Variants in ZNF536 observed in about 807,000 individuals in gnomAD.
ZNF536 encodes the protein zinc finger protein 536.
ZNF536 carries 13 observed loss-of-function variants against 84.5 expected under a neutral mutation model. The observed-to-expected ratio is 0.15, with a 90% confidence interval of 0.10 to 0.24. The LOEUF is 0.24. Ranked by LOEUF, ZNF536 falls within the 10% of genes least tolerant of loss-of-function variation. The pLI, the probability that ZNF536 is intolerant of heterozygous loss-of-function variation, is 1.00. For synonymous variants in ZNF536, 811 were observed against 742.5 expected, an observed-to-expected ratio of 1.09 and a Z score of -1.50; for missense variants, 1,536 against 1,747.5, an observed-to-expected ratio of 0.88 and a Z score of 2.16.
At chr19:30,305,576 G>A (rs1243331168) in intron 2 of ZNF536, among the ~76,000 whole-genome samples, 1 of 152,212 alleles carries the variant, frequency 6.6e-6, no homozygotes, top group Non-Finnish European at 1.5e-5. Context: ...TCACTGAGAA[G>A]CTGCAGGGGT....
intron 1 of ZNF536, among the ~76,000 whole-genome samples, chr19:30,654,103 C>A (rs1425627990): frequency 4.1e-4 from 62 of 152,190 alleles, no homozygotes; most frequent in Admixed American, 4.1e-3. Context: ...CCTCCCCTCC[C>A]TGTCGCCGAC....
intron 2 of ZNF536, among the ~76,000 whole-genome samples, chr19:30,468,465 T>TGCTG (rs1375750618): frequency 9.9e-5 from 15 of 151,784 alleles, no homozygotes; most frequent in East Asian, 1.9e-4. Context: ...ACAGGGCAGG[T>TGCTG]GCTGGCCAAG....
rs142910576 is a variant in ZNF536, at chr19:30,312,841, C to T, written c.-120+28700C>T. Among the ~76,000 whole-genome samples the T allele has an allele frequency of 8.2e-3, 1,248 of 152,346 alleles. 9 individuals are homozygous for T. Among genetic ancestry groups the T allele is most frequent in the African/African-American group, 0.023 (954 of 41,572 alleles). The stretch of plus-strand genomic sequence containing the variant: ...AGAGCCAGGAGCCTGGGTTTTCCCA[C>T]GAACGCCTCTGTGACCTCAGGCAGC... On this transcript the variant is annotated intron_variant, in intron 2 of 5. Coordinates refer to the ZNF536 transcript ENST00000585628.
chr19:30,297,907 C>A (rs1278601781), intron 2 of ZNF536, among the ~76,000 whole-genome samples: 1 of 149,608 alleles, frequency 6.7e-6, no homozygotes, highest in South Asian at 2.2e-4. Flanking sequence ...ACGGAGTCCC[C>A]CCCCCCTCTG....
At chr19:30,606,913 A>T (rs1785607545) in intron 1 of ZNF536, among the ~76,000 whole-genome samples, 1 of 152,090 alleles carries the variant, frequency 6.6e-6, no homozygotes, top group African/African-American at 2.4e-5. Context: ...CACTGGGGGC[A>T]GCTATTGGTG....
intron 1 of ZNF536, among the ~76,000 whole-genome samples, chr19:30,257,689 A>G (rs115511205): frequency 0.015 from 2,276 of 152,314 alleles, 54 homozygotes; most frequent in African/African-American, 0.052. Context: ...GGGGCCTTGA[A>G]TGCTGTTGCT....
intron 1 of ZNF536, among the ~76,000 whole-genome samples, chr19:30,252,971 G>A (rs537626270): frequency 7.9e-5 from 12 of 152,162 alleles, no homozygotes; most frequent in South Asian, 2.1e-4. Flanking sequence ...AGAATGTTTC[G>A]AAATGCTGAT....
chr19:30,617,508 G>A (rs2048345699), intron 1 of ZNF536, among the ~76,000 whole-genome samples: 2 of 151,154 alleles, frequency 1.3e-5, no homozygotes, highest in East Asian at 2.0e-4. Context: ...CTGCCACCAC[G>A]CCTGGCTAAT....
At chr19:30,483,461 G>T (rs2054169039) in intron 2 of ZNF536, among the ~76,000 whole-genome samples, 1 of 152,018 alleles carries the variant, frequency 6.6e-6, no homozygotes, top group Admixed American at 6.6e-5. Context: ...CTGCCTGGCG[G>T]GGTGAACAGA....
chr19:30,406,672 G>C (rs900997526), intron 1 of ZNF536, among the ~76,000 whole-genome samples: 1 of 152,138 alleles, frequency 6.6e-6, no homozygotes, highest in Non-Finnish European at 1.5e-5. Context: ...GCAACGTGCC[G>C]GGGCTGGCAC....
chr19:30,393,759 T>C (rs770284781), intron 1 of ZNF536, among the ~76,000 whole-genome samples: 1 of 152,090 alleles, frequency 6.6e-6, no homozygotes, highest in Non-Finnish European at 1.5e-5. Context: ...AAGGGGAAGC[T>C]GTGAGCTGAG....
At chr19:30,656,815 G>T (rs976645317) in intron 1 of ZNF536, among the ~76,000 whole-genome samples, 2 of 152,186 alleles carry the variant, frequency 1.3e-5, no homozygotes, top group African/African-American at 4.8e-5. Context: ...GCCTCATTCT[G>T]ATGTTTCTGC....
At chr19:30,449,973 G>A (rs754093885) in intron 2 of ZNF536, among the ~76,000 whole-genome samples, 1 of 151,370 alleles carries the variant, frequency 6.6e-6, no homozygotes, top group Non-Finnish European at 1.5e-5. Flanking sequence ...CCCCGTTCAC[G>A]ATAACCGGTG....
intron 2 of ZNF536, among the ~76,000 whole-genome samples, chr19:30,499,542 A>G (rs1319587013): frequency 6.6e-6 from 1 of 152,192 alleles, no homozygotes; most frequent in Non-Finnish European, 1.5e-5. Context: ...ATTTATATGT[A>G]TATGTGTGTG....
intron 1 of ZNF536, among the ~76,000 whole-genome samples, chr19:30,431,881 A>T (rs2051477852): frequency 6.6e-6 from 1 of 152,198 alleles, no homozygotes; most frequent in Non-Finnish European, 1.5e-5. Context: ...TCTGCTTTAA[A>T]AAGGGAGCAA....
chr19:30,348,935 C>A (rs1028497944), intron 2 of ZNF536, among the ~76,000 whole-genome samples: 4 of 151,788 alleles, frequency 2.6e-5, no homozygotes, highest in Non-Finnish European at 5.9e-5. Context: ...GAATCAAACA[C>A]AATCCAAAGA....
intron 1 of ZNF536, among the ~76,000 whole-genome samples, chr19:30,636,321 C>T (rs1333077203): frequency 6.6e-6 from 1 of 152,148 alleles, no homozygotes; most frequent in Non-Finnish European, 1.5e-5. Flanking sequence ...TCATCTCCCC[C>T]ATGGCAATGT....
At chr19:30,500,514 C>T (rs2054906266) in intron 2 of ZNF536, among the ~76,000 whole-genome samples, 1 of 151,662 alleles carries the variant, frequency 6.6e-6, no homozygotes, top group Non-Finnish European at 1.5e-5. Flanking sequence ...ACCCCAGGCT[C>T]ACTCCTGGTT....
At chr19:30,688,000 A>C (rs555172555) in intron 1 of ZNF536, among the ~76,000 whole-genome samples, 31 of 136,220 alleles carry the variant, frequency 2.3e-4, no homozygotes, top group African/African-American at 8.6e-4. Flanking sequence ...AGAGCATAAC[A>C]ATGTGTTTAT....
Sources: allele counts gnomAD v4.1 joint callset (sites outside exome capture counted in the v4.1 genomes callset), GRCh38; gene constraint gnomAD v4.1.1; transcripts MANE v1.5; gene names NCBI Gene and HGNC (gene_info 2026-07-23, HGNC 2026-07-21).